SGCZ: variants seen among roughly 807,000 people sequenced by gnomAD.
The protein encoded by SGCZ is sarcoglycan zeta, also known as zeta-sarcoglycan.
SGCZ carries 40 observed loss-of-function variants against 41.3 expected under a neutral mutation model. The observed-to-expected ratio is 0.97, with a 90% CI of 0.75 to 1.26. The LOEUF (loss-of-function observed/expected upper bound fraction) is 1.26. SGCZ is among the 50% of genes most tolerant of loss of function. The pLI, the probability that SGCZ is intolerant of heterozygous loss-of-function variation, is 0.00. For synonymous variants in SGCZ, 206 were observed against 137.5 expected, an observed-to-expected ratio of 1.50 and a Z score of -3.49; for missense variants, 552 against 369.8, an observed-to-expected ratio of 1.49 and a Z score of -4.04.
chr8:15,201,011 T>G (rs1045330022), intron 1 of SGCZ, among the ~76,000 whole-genome samples: 1 of 152,170 alleles, frequency 6.6e-6, no homozygotes, highest in Non-Finnish European at 1.5e-5. Flanking sequence ...GCGTCCCCAA[T>G]CAGATCTACT....
intron 3 of SGCZ, among the ~76,000 whole-genome samples, chr8:14,259,726 G>C (rs1585291388): frequency 6.7e-6 from 1 of 149,622 alleles, no homozygotes; most frequent in East Asian, 1.9e-4. Context: ...TTGTAGTATA[G>C]TTTGAAATCA....
intron 1 of SGCZ, among the ~76,000 whole-genome samples, chr8:14,762,563 T>C (rs1482052852): frequency 6.6e-6 from 1 of 152,218 alleles, no homozygotes; most frequent in Non-Finnish European, 1.5e-5. Flanking sequence ...GCTGAGAGCT[T>C]TGTTAATTGA....
chr8:14,823,764 G>C (rs1291842172), intron 1 of SGCZ, among the ~76,000 whole-genome samples: 2 of 152,158 alleles, frequency 1.3e-5, no homozygotes, highest in Non-Finnish European at 1.5e-5. Flanking sequence ...ATATTGAAGA[G>C]ATACCTGGAG....
intron 2 of SGCZ, among the ~76,000 whole-genome samples, chr8:14,456,337 G>A (rs1452483575): frequency 6.6e-6 from 1 of 152,148 alleles, no homozygotes; most frequent in Non-Finnish European, 1.5e-5. Flanking sequence ...GAACCCGGGA[G>A]GCAGAGGTTG....
At chr8:14,343,548 GA>G (rs1802783382) in intron 2 of SGCZ, among the ~76,000 whole-genome samples, 2 of 152,174 alleles carry the variant, frequency 1.3e-5, no homozygotes, top group Admixed American at 6.5e-5. Context: ...AAATATATAA[GA>G]ATTTCAAGAA....
chr8:14,544,879 A>G (rs1202431461), intron 2 of SGCZ, among the ~76,000 whole-genome samples: 2 of 152,102 alleles, frequency 1.3e-5, no homozygotes, highest in African/African-American at 2.4e-5. Flanking sequence ...TTCCCTCAGA[A>G]GCATGTGATC....
intron 1 of SGCZ, among the ~76,000 whole-genome samples, chr8:14,961,639 G>C (rs1800970173): frequency 6.6e-6 from 1 of 151,938 alleles, no homozygotes; most frequent in Non-Finnish European, 1.5e-5. Context: ...GTACATATAG[G>C]GTCCACTAGG....
At chr8:15,103,313 A>G (rs1199709686) in intron 1 of SGCZ, among the ~76,000 whole-genome samples, 1 of 152,156 alleles carries the variant, frequency 6.6e-6, no homozygotes, top group Non-Finnish European at 1.5e-5. Context: ...AGGCACGACA[A>G]TCAGTTGAAC....
chr8:15,081,203 A>G (rs1333558551), intron 1 of SGCZ, among the ~76,000 whole-genome samples: 1 of 152,138 alleles, frequency 6.6e-6, no homozygotes, highest in Non-Finnish European at 1.5e-5. Flanking sequence ...TGGTGGCTAA[A>G]TCGTCTTTCT....
chr8:14,144,468 T>C (rs1484282940), intron 5 of SGCZ, among the ~76,000 whole-genome samples: 1 of 152,014 alleles, frequency 6.6e-6, no homozygotes, highest in African/African-American at 2.4e-5. Context: ...GAGTAACCAG[T>C]AGCAATACCC....
At chr8:15,233,884 A>C (rs892137149) in intron 1 of SGCZ, among the ~76,000 whole-genome samples, 9 of 152,130 alleles carry the variant, frequency 5.9e-5, no homozygotes, top group African/African-American at 2.2e-4. Flanking sequence ...ATCTAACTTG[A>C]CTGAAAAAAA....
intron 1 of SGCZ, among the ~76,000 whole-genome samples, chr8:14,639,360 G>T (rs11985140): frequency 0.66 from 100,590 of 151,310 alleles, 33,590 homozygotes; most frequent in East Asian, 0.78. Context: ...AGTTCCCTCC[G>T]TTAGTAATGA....
chr8:14,751,589 G>A lies in SGCZ; in HGVS notation c.40-196663C>T, dbSNP rs1208633119. Among the ~76,000 whole-genome samples, 9 of 152,118 alleles carry A rather than the reference G, an allele frequency of 5.9e-5. No homozygotes were observed. In the East Asian group the frequency reaches 1.7e-3, roughly 29 times the overall value. On this transcript the variant is annotated intron_variant, in intron 1 of 7. Coordinates refer to ENST00000382080, the MANE Select transcript of SGCZ (RefSeq NM_139167.4). ...TGTATTTTTATTTCCACAGATTGAA[G>A]TCATTTAATGCATGAGATTGCCTGA...
chr8:14,918,147 T>C (rs1799492728), intron 1 of SGCZ, among the ~76,000 whole-genome samples: 1 of 152,168 alleles, frequency 6.6e-6, no homozygotes, highest in East Asian at 1.9e-4. Context: ...ATGAGGTGAA[T>C]ATCCTCGTAT....
chr8:14,614,065 T>C (rs73194129), intron 1 of SGCZ, among the ~76,000 whole-genome samples: 22,455 of 152,130 alleles, frequency 0.15, 2,049 homozygotes, highest in Non-Finnish European at 0.2. Context: ...TTTGAAAGCA[T>C]ACTGTGAGTT....
At chr8:14,586,099 C>T (rs369350930) in intron 1 of SGCZ, among the ~76,000 whole-genome samples, 1 of 152,170 alleles carries the variant, frequency 6.6e-6, no homozygotes, top group African/African-American at 2.4e-5. Flanking sequence ...TAACTATACA[C>T]GCAGCTGAGA....
chr8:14,473,723 G>A (rs138079978), intron 2 of SGCZ, among the ~76,000 whole-genome samples: 2,804 of 152,118 alleles, frequency 0.018, 76 homozygotes, highest in African/African-American at 0.062. Context: ...GGATCACGAG[G>A]TCAGGAGATC....
chr8:15,078,261 C>G (rs78160555), intron 1 of SGCZ, among the ~76,000 whole-genome samples: 7,148 of 145,514 alleles, frequency 0.049, 242 homozygotes, highest in South Asian at 0.074. Flanking sequence ...CAGATTTCAG[C>G]GAACTAAGCA....
chr8:14,097,334 G>A (rs1801877042), intron 7 of SGCZ, among the ~76,000 whole-genome samples: 1 of 152,094 alleles, frequency 6.6e-6, no homozygotes. Flanking sequence ...CTTTCTTTCT[G>A]CCTTCACTTC....
Sources: allele counts gnomAD v4.1 joint callset (sites outside exome capture counted in the v4.1 genomes callset), GRCh38; gene constraint gnomAD v4.1.1; transcripts MANE v1.5; gene names NCBI Gene and HGNC (gene_info 2026-07-23, HGNC 2026-07-21).